Variants in GRK5 observed in about 807,000 individuals in gnomAD.
The protein encoded by GRK5 is g protein-coupled receptor kinase GRK5.
In GRK5, 40 loss-of-function variants were observed where a neutral mutation model predicts 78.4. That is an observed-to-expected ratio of 0.51 (90% CI 0.40 to 0.66). The LOEUF (loss-of-function observed/expected upper bound fraction) is 0.66. GRK5 is among the 30% of genes least tolerant of loss of function. The pLI is 0.00. For synonymous variants in GRK5, 289 were observed against 296.8 expected (o/e 0.97, Z 0.27); for missense variants, 598 against 759.9 (o/e 0.79, Z 2.50).
intron 1 of GRK5, among the ~76,000 whole-genome samples, chr10:119,324,891 G>A (rs915917342): frequency 1.7e-4 from 26 of 151,766 alleles, no homozygotes; most frequent in Admixed American, 1.7e-3. Context: ...GGCAGGTGCC[G>A]CCTCACCACG....
intron 3 of GRK5, among the ~76,000 whole-genome samples, chr10:119,394,237 TGGGTGTCTGTGTGTG>T: frequency 1.1e-5 from 1 of 94,602 alleles, no homozygotes; most frequent in African/African-American, 3.9e-5. Flanking sequence ...TGTGGGTGTG[TGGGTGTCTGTGTGTG>T]GATGTATCTG....
chr10:119,391,315 C>T (rs1851884754), intron 3 of GRK5, among the ~76,000 whole-genome samples: 1 of 151,906 alleles, frequency 6.6e-6, no homozygotes, highest in Non-Finnish European at 1.5e-5. Context: ...CTGGGGGACA[C>T]CCCCATCATG....
intron 1 of GRK5, among the ~76,000 whole-genome samples, chr10:119,218,606 A>G (rs1396852549): frequency 1.3e-5 from 2 of 152,168 alleles, no homozygotes; most frequent in Non-Finnish European, 2.9e-5. Flanking sequence ...TATGTAGATA[A>G]CATCCCAGGA....
intron 1 of GRK5, among the ~76,000 whole-genome samples, chr10:119,293,322 C>T (rs1300199404): frequency 1.3e-5 from 2 of 152,150 alleles, no homozygotes; most frequent in Non-Finnish European, 2.9e-5. Context: ...GAGTTTGAGA[C>T]CAGTGGGTGC....
At chr10:119,360,734 C>T (rs1262303937) in intron 2 of GRK5, among the ~76,000 whole-genome samples, 1 of 152,186 alleles carries the variant, frequency 6.6e-6, no homozygotes, top group Non-Finnish European at 1.5e-5. Flanking sequence ...ATGGTCTGTC[C>T]GTCCTCTTCC....
intron 1 of GRK5, among the ~76,000 whole-genome samples, chr10:119,280,214 G>A (rs1352414455): frequency 6.6e-6 from 1 of 152,146 alleles, no homozygotes; most frequent in Admixed American, 6.5e-5. Context: ...ATTGGTCCAG[G>A]GACAAATTAT....
At chr10:119,439,804 T>G in intron 10 of GRK5, 36 bp downstream of exon 10, 2 of 1,602,620 alleles carry the variant, frequency 1.2e-6, no homozygotes, top group Non-Finnish European at 1.7e-6. Context: ...GAGGTGAGCA[T>G]TGCAACCCCA....
chr10:119,225,297 A>G (rs1848717421), intron 1 of GRK5, among the ~76,000 whole-genome samples: 1 of 152,248 alleles, frequency 6.6e-6, no homozygotes, highest in Non-Finnish European at 1.5e-5. Context: ...TTAAAAATAC[A>G]CAGTACTTCA....
At chr10:119,274,309 T>C (rs1297886096) in intron 1 of GRK5, among the ~76,000 whole-genome samples, 2 of 152,148 alleles carry the variant, frequency 1.3e-5, no homozygotes, top group African/African-American at 2.4e-5. Context: ...TGTCTGACCC[T>C]GACAAGACTG....
intron 1 of GRK5, among the ~76,000 whole-genome samples, chr10:119,246,201 G>A (rs1267798219): frequency 2.0e-5 from 3 of 152,040 alleles, no homozygotes; most frequent in Non-Finnish European, 1.5e-5. Context: ...CTGATATAAA[G>A]TGACATAGTA....
rs117861339 is a variant in GRK5, at chr10:119,415,823, T to C, written c.340-7343T>C. 1.5e-3 allele frequency among the ~76,000 whole-genome samples: 221 copies of C among 152,316 alleles called. 4 individuals carry two copies. The East Asian group carries it at 0.041, about 28-fold the overall frequency. On this transcript the variant is annotated intron_variant, in intron 4 of 15. Transcript: ENST00000392870. Reference sequence around the variant, plus strand: ...AGAGGTGCCAATCCTGGCCCCGCCATGGGCCAGCAAGTGACTTGCAGGGGA... The same window carrying C: ...AGAGGTGCCAATCCTGGCCCCGCCACGGGCCAGCAAGTGACTTGCAGGGGA...
intron 8 of GRK5, 83 bp from the exon 9 acceptor site, chr10:119,436,568 C>T: frequency 1.4e-6 from 2 of 1,386,256 alleles, no homozygotes; most frequent in Non-Finnish European, 2.0e-6. Flanking sequence ...CCTCACACCC[C>T]AGCTCCCAGG....
In GRK5 at chr10:119,207,865, C is replaced by T. The variant is rs1382246773; in HGVS notation, c.-53C>T. 2 of 1,541,436 alleles carry T rather than the reference C, an allele frequency of 1.3e-6. No individual in the cohort carries two copies. The highest frequency in any genetic ancestry group is 1.4e-5 in the African/African-American group (1 of 70,920). ...GCAGCGGCAGCAGCAGCGGCAGCACCCCAGGCGCTGACAGCCCCGCCGGCC... is the reference window on the plus strand; with the variant it reads ...GCAGCGGCAGCAGCAGCGGCAGCACTCCAGGCGCTGACAGCCCCGCCGGCC... On this transcript the variant is annotated 5_prime_UTR_variant, in exon 1 of 16. Transcript: ENST00000392870.
intron 1 of GRK5, among the ~76,000 whole-genome samples, chr10:119,269,256 G>A (rs1359352828): frequency 6.6e-6 from 1 of 152,188 alleles, no homozygotes; most frequent in Admixed American, 6.5e-5. Context: ...TGACAGTTAG[G>A]GTGACTTGCT....
chr10:119,312,873 T>G (rs1238326892), intron 1 of GRK5, among the ~76,000 whole-genome samples: 1 of 13,338 alleles, frequency 7.5e-5, no homozygotes, highest in East Asian at 1.5e-3. Context: ...TGTTTGTCCC[T>G]TGCCAGCTCT....
At chr10:119,391,345 T>C (rs1851885279) in intron 3 of GRK5, among the ~76,000 whole-genome samples, 1 of 152,006 alleles carries the variant, frequency 6.6e-6, no homozygotes, top group South Asian at 2.1e-4. Context: ...CCATTCTCAC[T>C]GGGGAGCAGA....
At chr10:119,315,595 G>C (rs928593114) in intron 1 of GRK5, among the ~76,000 whole-genome samples, 1 of 152,204 alleles carries the variant, frequency 6.6e-6, no homozygotes, top group East Asian at 1.9e-4. Context: ...GCCTCCCCAC[G>C]GTGATATTTT....
intron 1 of GRK5, among the ~76,000 whole-genome samples, chr10:119,277,395 T>C (rs1849687720): frequency 6.6e-6 from 1 of 152,166 alleles, no homozygotes; most frequent in Admixed American, 6.5e-5. Context: ...CCAGGAGGAA[T>C]AATTGTTGAT....
intron 6 of GRK5, among the ~76,000 whole-genome samples, chr10:119,425,291 ACAC>A (rs1852656854): frequency 1.4e-5 from 2 of 138,436 alleles, no homozygotes; most frequent in East Asian, 2.0e-4. Flanking sequence ...ACACACACAC[ACAC>A]ACAAACACAC....
Sources: gnomAD v4.1 joint callset for allele counts (sites outside exome capture counted in the v4.1 genomes callset) on GRCh38, gnomAD v4.1.1 for gene constraint, MANE v1.5 for transcripts, NCBI Gene and HGNC (gene_info 2026-07-23, HGNC 2026-07-21) for gene names.